PCDHA13: variants seen among roughly 807,000 people sequenced by gnomAD.
PCDHA13 encodes protocadherin alpha-13.
A neutral mutation model predicts 64.8 loss-of-function variants in PCDHA13; 54 were observed. That is an observed-to-expected ratio of 0.83 (90% CI 0.67 to 1.04). The LOEUF (loss-of-function observed/expected upper bound fraction) is 1.04. Ranked by LOEUF, PCDHA13 falls within the 50% of genes least tolerant of loss-of-function variation. The pLI is 0.00. For synonymous variants in PCDHA13, 587 were observed against 564.4 expected, an observed-to-expected ratio of 1.04 and a Z score of -0.57; for missense variants, 1,248 against 1,254.3, an observed-to-expected ratio of 0.99 and a Z score of 0.08.
At chr5:140,982,658 C>G (rs530615346) in intron 3 of PCDHA13, 95 bp downstream of exon 3, 2 of 1,487,730 alleles carry the variant, frequency 1.3e-6, no homozygotes, top group East Asian at 4.9e-5. Context: ...GGCTCTTTTT[C>G]TTTTATATTT....
At chr5:140,944,818 T>G (rs1490682721) in intron 1 of PCDHA13, among the ~76,000 whole-genome samples, 1 of 152,236 alleles carries the variant, frequency 6.6e-6, no homozygotes, top group East Asian at 1.9e-4. Context: ...CAGTGATCTT[T>G]GCCCCATAAT....
chr5:140,908,919 G>A (rs781892541), intron 1 of PCDHA13, among the ~76,000 whole-genome samples: 1 of 152,158 alleles, frequency 6.6e-6, no homozygotes, highest in Non-Finnish European at 1.5e-5. Context: ...TGTAGGAGGG[G>A]CCAAATGCAG....
intron 1 of PCDHA13, among the ~76,000 whole-genome samples, chr5:140,894,455 T>C (rs1316862860): frequency 6.6e-6 from 1 of 152,000 alleles, no homozygotes; most frequent in Non-Finnish European, 1.5e-5. Flanking sequence ...TTAAAAAATA[T>C]TTTACTTTTT....
chr5:140,899,123 A>T (rs1190536862), intron 1 of PCDHA13, among the ~76,000 whole-genome samples: 6 of 152,240 alleles, frequency 3.9e-5, no homozygotes, highest in Non-Finnish European at 7.3e-5. Flanking sequence ...ATATACAATC[A>T]TGTCTTCTGC....
intron 3 of PCDHA13, among the ~76,000 whole-genome samples, chr5:140,987,478 T>A (rs2097255782): frequency 6.6e-6 from 1 of 152,104 alleles, no homozygotes. Flanking sequence ...AGCTTGGGAG[T>A]CAGTGACCCT....
intron 1 of PCDHA13, chr5:140,969,343 G>C: frequency 1.2e-6 from 2 of 1,613,728 alleles, no homozygotes; most frequent in Non-Finnish European, 1.7e-6. Flanking sequence ...TGAGACAGTG[G>C]TCAGGGGGTC....
intron 2 of PCDHA13, 155 bp downstream of exon 2, chr5:140,979,162 T>C: frequency 2.1e-6 from 2 of 975,444 alleles, no homozygotes; most frequent in Non-Finnish European, 2.4e-6. Context: ...TGTTTATTCC[T>C]TGAAAGATCG....
intron 1 of PCDHA13, among the ~76,000 whole-genome samples, chr5:140,964,317 G>A (rs1042787994): frequency 2.0e-5 from 3 of 152,218 alleles, no homozygotes; most frequent in Non-Finnish European, 4.4e-5. Context: ...GCCTAAAACA[G>A]CATAATGGAC....
At chr5:140,997,406 C>T (rs2097769706) in intron 3 of PCDHA13, among the ~76,000 whole-genome samples, 1 of 152,094 alleles carries the variant, frequency 6.6e-6, no homozygotes, top group Admixed American at 6.6e-5. Flanking sequence ...TATCGTATGG[C>T]CTATTTCTCC....
intron 1 of PCDHA13, chr5:140,968,752 C>T: frequency 6.2e-7 from 1 of 1,614,094 alleles, no homozygotes; most frequent in Non-Finnish European, 8.5e-7. Context: ...CCGTGGTGGT[C>T]CGAGATAATG....
chr5:140,968,035 G>A, intron 1 of PCDHA13: 1 of 1,614,184 alleles, frequency 6.2e-7, no homozygotes, highest in South Asian at 1.1e-5. Flanking sequence ...CACTGGTGGT[G>A]AGCGGCCCAC....
intron 1 of PCDHA13, among the ~76,000 whole-genome samples, chr5:140,977,051 G>T (rs2096743579): frequency 6.6e-6 from 1 of 152,178 alleles, no homozygotes; most frequent in South Asian, 2.1e-4. Flanking sequence ...GTTGCTGATG[G>T]ACTAGTATAG....
intron 1 of PCDHA13, among the ~76,000 whole-genome samples, chr5:140,956,132 C>G (rs782171826): frequency 2.6e-5 from 4 of 152,028 alleles, no homozygotes; most frequent in Admixed American, 6.6e-5. Context: ...ATTTGAATAC[C>G]CTTTATTTCT....
intron 3 of PCDHA13, among the ~76,000 whole-genome samples, chr5:140,996,349 A>G (rs2097722990): frequency 6.6e-6 from 1 of 152,184 alleles, no homozygotes; most frequent in African/African-American, 2.4e-5. Flanking sequence ...AACCCAACCA[A>G]AGTCAGAAGC....
chr5:140,908,880 A>C (rs1342304863), intron 1 of PCDHA13, among the ~76,000 whole-genome samples: 1 of 152,204 alleles, frequency 6.6e-6, no homozygotes, highest in Non-Finnish European at 1.5e-5. Context: ...TCCAAAATCC[A>C]ATAGTCCCAA....
intron 1 of PCDHA13, among the ~76,000 whole-genome samples, chr5:140,910,829 C>G (rs938702955): frequency 6.6e-6 from 1 of 152,184 alleles, no homozygotes; most frequent in Non-Finnish European, 1.5e-5. Flanking sequence ...TAAATTCAGC[C>G]TGATCCAATG....
chr5:140,889,824 C>A (rs1396428338), intron 1 of PCDHA13, among the ~76,000 whole-genome samples: 3 of 152,102 alleles, frequency 2.0e-5, no homozygotes, highest in African/African-American at 4.8e-5. Context: ...CATAAGAAGT[C>A]TTACAGTATG....
In PCDHA13 at chr5:141,006,613, A is replaced by G. The variant is rs543043401; in HGVS notation, c.2543-3014A>G. 2.0e-5 allele frequency among the ~76,000 whole-genome samples: 3 copies of G among 152,308 alleles called. No individual in the cohort carries two copies. In the South Asian group the frequency reaches 6.2e-4, roughly 32 times the overall value. Reference sequence around the variant, plus strand: ...AGCAAAAGTGGAAGCAGACTGAATAAGGAGACTATTGCTGCAATTCATATA... The same window carrying G: ...AGCAAAAGTGGAAGCAGACTGAATAGGGAGACTATTGCTGCAATTCATATA... On this transcript the variant is annotated intron_variant, in intron 3 of 3. Coordinates refer to ENST00000289272, the MANE Select transcript of PCDHA13 (RefSeq NM_018904.3).
intron 1 of PCDHA13, among the ~76,000 whole-genome samples, chr5:140,905,582 A>C (rs1281901890): frequency 1.3e-5 from 2 of 152,068 alleles, no homozygotes; most frequent in South Asian, 2.1e-4. Flanking sequence ...AATGATAATG[A>C]TATTTTGCTG....
Sources: gnomAD v4.1 joint callset for allele counts (sites outside exome capture counted in the v4.1 genomes callset) on GRCh38, gnomAD v4.1.1 for gene constraint, MANE v1.5 for transcripts, NCBI Gene and HGNC (gene_info 2026-07-23, HGNC 2026-07-21) for gene names.